The following UGGT1 variants were observed in gnomAD, a reference collection of about 807,000 sequenced individuals.
UGGT1 encodes the protein UDP-glucose:glycoprotein glucosyltransferase 1.
A neutral mutation model predicts 203.9 loss-of-function variants in UGGT1; 107 were observed. The observed-to-expected ratio is 0.52, with a 90% CI of 0.45 to 0.62. The LOEUF (loss-of-function observed/expected upper bound fraction) is 0.62, where lower values mean the gene tolerates loss of function less well. UGGT1 is among the 20% of genes least tolerant of loss of function. The pLI is 0.00. For synonymous variants in UGGT1, 628 were observed against 653.5 expected (o/e 0.96, Z 0.59); for missense variants, 1,673 against 1,867.2 (o/e 0.90, Z 1.92).
In UGGT1 at chr2:128,129,818, C is replaced by T. The variant is rs79155404; in HGVS notation, c.1377+639C>T. 2.2e-3 allele frequency among the ~76,000 whole-genome samples: 334 copies of T among 152,280 alleles called. 3 individuals are homozygous for T. Among genetic ancestry groups the T allele is most frequent in the African/African-American group, 7.5e-3 (310 of 41,544 alleles). On this transcript the variant is annotated intron_variant, in intron 13 of 40. Coordinates refer to ENST00000259253, the MANE Select transcript of UGGT1 (RefSeq NM_020120.4). The stretch of plus-strand genomic sequence containing the variant: ...CAGATCTTGTGTGATGTCGTGACAT[C>T]TGTAAATTAAAACTACTATTGAAAA...
chr2:128,165,703 A>G (rs1167227479), intron 26 of UGGT1, among the ~76,000 whole-genome samples: 2 of 152,180 alleles, frequency 1.3e-5, no homozygotes, highest in African/African-American at 2.4e-5. Flanking sequence ...TCTCAAAATC[A>G]TAATAATAGT....
chr2:128,170,235 A>G (rs1044290215), intron 26 of UGGT1, 53 bp from the exon 27 acceptor site: 1 of 1,514,444 alleles, frequency 6.6e-7, no homozygotes, highest in Admixed American at 1.7e-5. Flanking sequence ...TACAAAAAAA[A>G]CTTTTGTTTC....
At position 128,164,800 on chromosome 2, in the gene UGGT1, T is replaced by C. The variant is rs746293236; in HGVS notation, c.2896T>C (p.Tyr966His). 41 of 1,607,818 alleles carry C rather than the reference T, an allele frequency of 2.6e-5. 1 individual carries two copies. In the South Asian group the frequency reaches 4.3e-4, roughly 17 times the overall value. ...ACCAAAAGGAGATCCAAGAATCGAG[T>C]ACCAGTTTTTTGAAGACAGACACAG... ...AQPKGDPRIE[Y>H]QFFEDRHSAI... The change falls in exon 26 of 41, where the codon TAC becomes CAC. Residue 966 changes from tyrosine (Y) to histidine (H), a missense_variant. By Grantham distance (83) the Tyr-to-His change is moderately conservative (BLOSUM62 2). Coordinates refer to ENST00000259253, the MANE Select transcript of UGGT1 (RefSeq NM_020120.4).
At chr2:128,172,809 A>T in intron 29 of UGGT1, 47 bp downstream of exon 29, 1 of 1,554,400 alleles carries the variant, frequency 6.4e-7, no homozygotes, top group Non-Finnish European at 8.8e-7. Flanking sequence ...TGTATAATAC[A>T]GCAGATTGAA....
chr2:128,154,115 G>C (rs1179313849), intron 19 of UGGT1, among the ~76,000 whole-genome samples: 1 of 151,310 alleles, frequency 6.6e-6, no homozygotes, highest in Non-Finnish European at 1.5e-5. Context: ...ACACACTGAG[G>C]AAAAAGTGTA....
intron 26 of UGGT1, among the ~76,000 whole-genome samples, chr2:128,168,597 T>G (rs1690913921): frequency 6.6e-6 from 1 of 152,262 alleles, no homozygotes; most frequent in Non-Finnish European, 1.5e-5. Context: ...TATAATGGTT[T>G]AAACAGTTAA....
intron 20 of UGGT1, 103 bp downstream of exon 20, chr2:128,155,690 CATA>C (rs1690194013): frequency 1.1e-5 from 9 of 816,512 alleles, no homozygotes; most frequent in Middle Eastern, 3.4e-4. Flanking sequence ...AAAGAGACTT[CATA>C]ATTTTTCTTA....
Position 128,134,911 on chromosome 2 carries a change from A to G in UGGT1, c.1533A>G (p.Ala511=), listed in dbSNP as rs1457100883. 6.2e-7 allele frequency: 1 copy of G among 1,614,012 alleles called. No individual in the cohort carries two copies. Among genetic ancestry groups the G allele is most frequent in the African/African-American group, 1.3e-5 (1 of 75,066 alleles). ...TTGATCCTGCACATGAGACCACAGC[A>G]GAGTTGATGAACACAGCTGAGATGT... The part of the protein sequence containing the change: ...FIVDPAHETT[A]ELMNTAEMFL... The change falls in exon 15 of 41, where the codon GCA becomes GCG. Residue 511 remains alanine (A), a synonymous_variant. Coordinates refer to ENST00000259253, the MANE Select transcript of UGGT1 (RefSeq NM_020120.4).
chr2:128,186,102 A>G (rs1302967813), intron 38 of UGGT1, among the ~76,000 whole-genome samples: 1 of 152,184 alleles, frequency 6.6e-6, no homozygotes, highest in Admixed American at 6.6e-5. Context: ...GCCCTAATGA[A>G]GGGAGGGTTA....
intron 3 of UGGT1, among the ~76,000 whole-genome samples, chr2:128,104,676 C>G (rs1053114900): frequency 6.6e-6 from 1 of 151,924 alleles, no homozygotes; most frequent in African/African-American, 2.4e-5. Flanking sequence ...GAGATGAAGT[C>G]TTGCTTTGTT....
chr2:128,165,192 C>T (rs1320521659), intron 26 of UGGT1, among the ~76,000 whole-genome samples: 1 of 152,054 alleles, frequency 6.6e-6, no homozygotes, highest in Non-Finnish European at 1.5e-5. Flanking sequence ...TTTGGGAGGC[C>T]AGTGTGGGAG....
At chr2:128,177,120 A>G (rs1357118511) in intron 32 of UGGT1, among the ~76,000 whole-genome samples, 2 of 152,122 alleles carry the variant, frequency 1.3e-5, no homozygotes, top group African/African-American at 4.8e-5. Context: ...CCCATCTTAT[A>G]TAAAATATTC....
chr2:128,161,392 C>G, intron 25 of UGGT1, 124 bp downstream of exon 25: 1 of 1,123,630 alleles, frequency 8.9e-7, no homozygotes, highest in Non-Finnish European at 1.2e-6. Flanking sequence ...AGTTTAAAAT[C>G]TAATAATACT....
At chr2:128,132,472 C>T (rs1688927156) in intron 13 of UGGT1, among the ~76,000 whole-genome samples, 1 of 152,164 alleles carries the variant, frequency 6.6e-6, no homozygotes, top group African/African-American at 2.4e-5. Flanking sequence ...CGTTTGAACC[C>T]AGGAGGCAGA....
chr2:128,103,968 G>A lies in UGGT1; in HGVS notation c.231G>A (p.Trp77Ter). Residue 77 changes from tryptophan to a stop codon, truncating the protein, a stop_gained, in exon 3 of 41, where the codon TGG becomes TGA. Transcript: ENST00000259253. LOFTEE classifies it high-confidence loss of function. ...FLAEDSQEKFWNFVEASQNIG... is the reference protein window; with the variant it reads ...FLAEDSQEKF ...CAGAAGACAGTCAAGAGAAATTTTG[G>A]AATTTTGTAGAAGCCAGTCAAAATA... 6.3e-7 allele frequency: 1 copy of A among 1,591,558 alleles called. No individual in the cohort carries two copies. The highest frequency in any genetic ancestry group is 8.5e-7 in the Non-Finnish European group (1 of 1,173,360).
rs202155439 is a variant in UGGT1, at chr2:128,182,958, TAGAG to T, written c.4244+674_4244+677del. 4.8e-3 allele frequency among the ~76,000 whole-genome samples: 682 copies of T among 143,376 alleles called. 5 individuals are homozygous for T. Among genetic ancestry groups the T allele is most frequent in the African/African-American group, 0.015 (590 of 38,650 alleles). The allele number at this position is 143,376 out of a possible 152,430, so 94.1% of individuals were successfully genotyped here. On this transcript the variant is annotated intron_variant, in intron 37 of 40. Coordinates refer to ENST00000259253, the MANE Select transcript of UGGT1 (RefSeq NM_020120.4). ...ATGTCATATACATCTTCTCAGTGAATAGAGAGAGACCTGATTCCTTTTCATAGCT... is the reference window on the plus strand; with the variant it reads ...ATGTCATATACATCTTCTCAGTGAATAGAGACCTGATTCCTTTTCATAGCT...
chr2:128,184,525 C>G (rs1691874102), intron 38 of UGGT1, among the ~76,000 whole-genome samples: 1 of 152,150 alleles, frequency 6.6e-6, no homozygotes, highest in African/African-American at 2.4e-5. Context: ...CATCCTTCCT[C>G]CCTAACAAAA....
chr2:128,137,494 C>CT (rs991120724), intron 15 of UGGT1, among the ~76,000 whole-genome samples: 3 of 152,236 alleles, frequency 2.0e-5, no homozygotes, highest in African/African-American at 7.2e-5. Context: ...TTCTGCCACT[C>CT]TATGGCTTGT....
Position 128,104,017 on chromosome 2 carries a change from AAAATTGAAGC to A in UGGT1, c.277+8_277+17del, listed in dbSNP as rs1407952139. 1 of 1,548,234 alleles carries A rather than the reference AAAATTGAAGC, an allele frequency of 6.5e-7. No homozygotes were observed. The highest frequency in any genetic ancestry group is 8.7e-7 in the Non-Finnish European group (1 of 1,155,162). ...TATTGGATCATCAGATCATGACGGT[AAAATTGAAGC>A]AAATGCTTCTTTGACTTTGGTGTCT... On this transcript the variant is annotated splice_donor_5th_base_variant and intron_variant, in intron 3 of 40. Transcript: ENST00000259253.
Sources: gnomAD v4.1 joint callset for allele counts (sites outside exome capture counted in the v4.1 genomes callset) on GRCh38, gnomAD v4.1.1 for gene constraint, MANE v1.5 for transcripts, NCBI Gene and HGNC (gene_info 2026-07-23, HGNC 2026-07-21) for gene names.